IRGM: variants seen among roughly 807,000 people sequenced by gnomAD.
IRGM encodes the protein immunity related GTPase M.
For missense variants in IRGM, 288 were observed against 219.9 expected (o/e 1.31, Z -1.96); for synonymous variants, 98 against 80.6 (o/e 1.22, Z -1.16).
At chr5:150,865,556 G>T (rs1754195972) in intron 1 of IRGM, among the ~76,000 whole-genome samples, 1 of 152,266 alleles carries the variant, frequency 6.6e-6, no homozygotes, top group South Asian at 2.1e-4. Flanking sequence ...TCAAAAGAAA[G>T]ATGTTATTGC....
intron 3 of IRGM, chr5:150,895,668 GT>G: frequency 6.2e-7 from 1 of 1,613,390 alleles, no homozygotes; most frequent in Non-Finnish European, 8.5e-7. Flanking sequence ...CCCACATTCA[GT>G]ACATATATAA....
At chr5:150,850,682 T>C (rs1282042508), downstream of IRGM, among the ~76,000 whole-genome samples, 1 of 152,190 alleles carries the variant, frequency 6.6e-6, no homozygotes, top group Non-Finnish European at 1.5e-5. Context: ...GCCTCCTGAG[T>C]AGCTAGGACC....
At position 150,847,966 on chromosome 5, in the gene IRGM, G is replaced by A. The variant is rs1753900694; in HGVS notation, c.-158G>A. On this transcript the variant is annotated 5_prime_UTR_variant, in exon 2 of 2. Coordinates refer to ENST00000522154, the MANE Select transcript of IRGM (RefSeq NM_001145805.2). ...CTACAGGCGCACACCACCACGCGCA[G>A]CTAATTTTTTTGTATTTTAGTAGAG... The A allele has an allele frequency of 1.6e-6, 1 of 618,198 alleles. No individual in the cohort carries two copies. The highest frequency in any genetic ancestry group is 2.8e-6 in the Non-Finnish European group (1 of 356,274). The allele number at this position is 618,198 out of a possible 1,614,324, so 38.3% of individuals were successfully genotyped here.
At chr5:150,895,344 C>G in intron 3 of IRGM, 1 of 1,172,186 alleles carries the variant, frequency 8.5e-7, no homozygotes, top group Non-Finnish European at 1.2e-6. Flanking sequence ...GGATGTTGTC[C>G]CCAAGCTTAT....
At chr5:150,883,808 T>C (rs1561749773) in intron 3 of IRGM, among the ~76,000 whole-genome samples, 1 of 151,812 alleles carries the variant, frequency 6.6e-6, no homozygotes, top group Non-Finnish European at 1.5e-5. Context: ...TTCTACAAAG[T>C]ATGTAAAGAA....
chr5:150,852,676 T>A (rs926874539), downstream of IRGM, among the ~76,000 whole-genome samples: 1 of 152,114 alleles, frequency 6.6e-6, no homozygotes, highest in African/African-American at 2.4e-5. Context: ...AAAGCCATAT[T>A]CTGCAGAGAA....
chr5:150,890,306 T>G (rs928844740), intron 3 of IRGM, among the ~76,000 whole-genome samples: 1 of 152,036 alleles, frequency 6.6e-6, no homozygotes, highest in Non-Finnish European at 1.5e-5. Context: ...GGTATTAAGA[T>G]GTTCATAATC....
intron 1 of IRGM, among the ~76,000 whole-genome samples, chr5:150,866,391 G>T (rs1754209702): frequency 1.3e-5 from 2 of 152,222 alleles, no homozygotes; most frequent in South Asian, 4.1e-4. Flanking sequence ...TCTAATTCCA[G>T]ATGGAATTAA....
At chr5:150,889,379 A>G (rs1754573521) in intron 3 of IRGM, among the ~76,000 whole-genome samples, 1 of 151,992 alleles carries the variant, frequency 6.6e-6, no homozygotes, top group Non-Finnish European at 1.5e-5. Context: ...AGCTCATGAG[A>G]CTTATTTACT....
At position 150,848,275 on chromosome 5, in the gene IRGM, G is replaced by C. The variant is rs187395700; in HGVS notation, c.152G>C (p.Ser51Thr). ...GGCAATGGGATGTCCACCTTCATCA[G>C]TGCCCTTCGAAACACAGGACATGAG... is the stretch of plus-strand genomic sequence containing the variant. Reference protein sequence around the residue: ...DSGNGMSTFISALRNTGHEGK... With the variant: ...DSGNGMSTFITALRNTGHEGK... The change falls in exon 2 of 2, where the codon AGT becomes ACT. Residue 51 changes from serine to threonine, a missense_variant. Ser to Thr is a moderately conservative substitution (Grantham distance 58, BLOSUM62 1). Coordinates refer to ENST00000522154, the MANE Select transcript of IRGM (RefSeq NM_001145805.2). 3 of 1,551,694 alleles carry C rather than the reference G, an allele frequency of 1.9e-6. No individual in the cohort carries two copies. Among genetic ancestry groups the C allele is most frequent in the African/African-American group, 2.7e-5 (2 of 73,028 alleles).
intron 1 of IRGM, among the ~76,000 whole-genome samples, chr5:150,877,681 A>G (rs1226551153): frequency 1.3e-5 from 2 of 152,172 alleles, no homozygotes; most frequent in African/African-American, 4.8e-5. Context: ...CCAGGATCAC[A>G]TAGGTTTTAA....
chr5:150,848,302 G>A lies in IRGM; in HGVS notation c.179G>A (p.Gly60Asp), dbSNP rs1227064665. Residue 60 changes from glycine (G) to aspartate (D), a missense_variant, in exon 2 of 2, where the codon GGT becomes GAT. By Grantham distance (94) the Gly-to-Asp change is moderately conservative (BLOSUM62 -1). Transcript: ENST00000522154. ...ISALRNTGHE[G>D]KASPPTELVK... The stretch of plus-strand genomic sequence containing the variant: ...GCCCTTCGAAACACAGGACATGAGG[G>A]TAAGGCCTCACCTCCTACTGAGCTG... 6.4e-7 allele frequency: 1 copy of A among 1,551,752 alleles called. No individual in the cohort carries two copies. The highest frequency in any genetic ancestry group is 2.0e-5 in the Admixed American group (1 of 50,998).
chr5:150,900,287 C>A (rs189956770), intron 3 of IRGM, among the ~76,000 whole-genome samples: 2 of 152,146 alleles, frequency 1.3e-5, no homozygotes, highest in African/African-American at 2.4e-5. Flanking sequence ...TCGACCTTTC[C>A]ATGAAGCACT....
At chr5:150,861,186 G>A (rs1459825837) in intron 1 of IRGM, among the ~76,000 whole-genome samples, 4 of 152,310 alleles carry the variant, frequency 2.6e-5, no homozygotes, top group African/African-American at 9.6e-5. Flanking sequence ...GAATGTGTAC[G>A]ATGGTGGCAG....
At chr5:150,897,109 A>G (rs1327954294) in intron 3 of IRGM, 2 of 636,140 alleles carry the variant, frequency 3.1e-6, no homozygotes, top group Non-Finnish European at 5.4e-6. Flanking sequence ...CTCAGAAGAC[A>G]GTACAGCATA....
chr5:150,848,281 T>C lies in IRGM; in HGVS notation c.158T>C (p.Leu53Pro), dbSNP rs2003337826. 1 of 1,551,700 alleles carries C rather than the reference T, an allele frequency of 6.4e-7. No homozygotes were observed. Among genetic ancestry groups the C allele is most frequent in the African/African-American group, 1.4e-5 (1 of 73,030 alleles). ...GNGMSTFISALRNTGHEGKAS... is the reference protein window; with the variant it reads ...GNGMSTFISAPRNTGHEGKAS... Reference sequence around the variant, plus strand: ...GGGATGTCCACCTTCATCAGTGCCCTTCGAAACACAGGACATGAGGGTAAG... The same window carrying C: ...GGGATGTCCACCTTCATCAGTGCCCCTCGAAACACAGGACATGAGGGTAAG... The change falls in exon 2 of 2, where the codon CTT becomes CCT. Residue 53 changes from leucine (L) to proline (P), a missense_variant. Leu to Pro is a moderately conservative substitution (Grantham distance 98, BLOSUM62 -3). Transcript: ENST00000522154.
intron 3 of IRGM, among the ~76,000 whole-genome samples, chr5:150,889,666 T>C (rs2113298342): frequency 6.6e-6 from 1 of 152,166 alleles, no homozygotes; most frequent in East Asian, 1.9e-4. Context: ...TGTTCTTTAT[T>C]TTAAAAAAAC....
chr5:150,848,233 C>G lies in IRGM; in HGVS notation c.110C>G (p.Thr37Ser). The change falls in exon 2 of 2, where the codon ACT becomes AGT. Residue 37 changes from threonine to serine, a missense_variant. Thr to Ser is a moderately conservative substitution (Grantham distance 58). Coordinates refer to ENST00000522154, the MANE Select transcript of IRGM (RefSeq NM_001145805.2). ...GTGTCCAGGACACCAGTTAACATCA[C>G]TATGGCAGGGGACTCTGGCAATGGG... ...KIVSRTPVNI[T>S]MAGDSGNGMS... 1 of 1,551,832 alleles carries G rather than the reference C, an allele frequency of 6.4e-7. No homozygotes were observed. The highest frequency in any genetic ancestry group is 2.0e-5 in the Admixed American group (1 of 51,002).
At chr5:150,851,412 C>A (rs1753973047), downstream of IRGM, among the ~76,000 whole-genome samples, 1 of 152,194 alleles carries the variant, frequency 6.6e-6, no homozygotes, top group Non-Finnish European at 1.5e-5. Context: ...ATAAGAGCAT[C>A]AGGGGGACCT....
Sources: gnomAD v4.1 joint callset for allele counts (sites outside exome capture counted in the v4.1 genomes callset) on GRCh38, gnomAD v4.1.1 for gene constraint, MANE v1.5 for transcripts, NCBI Gene and HGNC (gene_info 2026-07-23, HGNC 2026-07-21) for gene names.